The following SH2B3 variants were observed in gnomAD, a reference collection of about 807,000 sequenced individuals.
SH2B3 encodes the protein SH2B adaptor protein 3, also known as SH2B adapter protein 3.
Under a neutral mutation model 51.9 loss-of-function variants are expected in SH2B3, and 43 were observed. That is an observed-to-expected ratio of 0.83 (90% confidence interval 0.65 to 1.07). The LOEUF is 1.07. SH2B3 is among the 50% of genes least tolerant of loss of function. The probability of loss-of-function intolerance (pLI) is 0.00; values close to 1 mark genes in which losing one functional copy is unlikely to be tolerated. For missense variants in SH2B3, 952 were observed against 834.3 expected, an observed-to-expected ratio of 1.14 and a Z score of -1.74; for synonymous variants, 396 against 376.0, an observed-to-expected ratio of 1.05 and a Z score of -0.62.
chr12:111,435,498 C>T lies in SH2B3; in HGVS notation c.733-11255C>T, dbSNP rs755391338. 6.6e-6 allele frequency among the ~76,000 whole-genome samples: 1 copy of T among 152,198 alleles called. No individual in the cohort carries two copies. The highest frequency in any genetic ancestry group is 2.4e-5 in the African/African-American group (1 of 41,440). The stretch of plus-strand genomic sequence containing the variant: ...GCCTCAGCCTCCTGAGTAGCTGGGA[C>T]TACACATGCACCACCACGCCTGGCT... On this transcript the variant is annotated intron_variant, in intron 2 of 7. Coordinates refer to ENST00000341259, the MANE Select transcript of SH2B3 (RefSeq NM_005475.3). The surrounding 1 kb of genome is among the most constrained non-coding windows in gnomAD (Gnocchi z 4.8).
rs1412640417 is a variant in SH2B3 at position 111,410,580 on chromosome 12, G to A, written c.-28+4303G>A. 3.9e-5 allele frequency among the ~76,000 whole-genome samples: 6 copies of A among 152,164 alleles called. No homozygotes were observed. The highest frequency in any genetic ancestry group is 7.4e-5 in the Non-Finnish European group (5 of 68,010). ...GTGGCTGGGATGTCAGGCTGGCGGT[G>A]TGGGCAGAGGAAGCCAGAGGACATT... On this transcript the variant is annotated intron_variant, in intron 1 of 7. Transcript: ENST00000341259. The surrounding 1 kb of genome is among the most constrained non-coding windows in gnomAD (Gnocchi z 4.9).
At chr12:111,431,995 T>C (rs756210484) in intron 2 of SH2B3, among the ~76,000 whole-genome samples, 1 of 152,248 alleles carries the variant, frequency 6.6e-6, no homozygotes, top group Non-Finnish European at 1.5e-5. Context: ...TGCACAATTC[T>C]GTCTGGAGCC....
At chr12:111,413,994 G>A (rs1008966043) in intron 1 of SH2B3, among the ~76,000 whole-genome samples, 3 of 152,240 alleles carry the variant, frequency 2.0e-5, no homozygotes, top group Admixed American at 6.5e-5. Flanking sequence ...GCGGCAGATC[G>A]TGTAGGTGGG....
At chr12:111,434,494 T>C (rs1461571807) in intron 2 of SH2B3, among the ~76,000 whole-genome samples, 1 of 152,242 alleles carries the variant, frequency 6.6e-6, no homozygotes, top group Non-Finnish European at 1.5e-5. Flanking sequence ...GGCACGGATA[T>C]TAGCTCTGTC....
Position 111,410,776 on chromosome 12 carries a change from G to A in SH2B3, c.-28+4499G>A, listed in dbSNP as rs942828786. ...CCCTGCTTCCCGTGGGCATCTCTGCGTCTGGCAACTTGAATGCTGTGAAAG... is the reference window on the plus strand; with the variant it reads ...CCCTGCTTCCCGTGGGCATCTCTGCATCTGGCAACTTGAATGCTGTGAAAG... On this transcript the variant is annotated intron_variant, in intron 1 of 7. Coordinates refer to ENST00000341259, the MANE Select transcript of SH2B3 (RefSeq NM_005475.3). The surrounding 1 kb of genome is among the most constrained non-coding windows in gnomAD (Gnocchi z 4.9). Among the ~76,000 whole-genome samples the A allele has an allele frequency of 1.4e-4, 21 of 152,188 alleles. No homozygotes were observed. Among genetic ancestry groups the A allele is most frequent in the African/African-American group, 3.6e-4 (15 of 41,448 alleles).
At chr12:111,447,612 G>T (rs1305234764) in intron 6 of SH2B3, 44 bp from the exon 7 acceptor site, 1 of 1,610,142 alleles carries the variant, frequency 6.2e-7, no homozygotes, top group African/African-American at 1.3e-5. Context: ...GGAGTTCAGG[G>T]TCCTAGAGGG....
intron 2 of SH2B3, among the ~76,000 whole-genome samples, chr12:111,430,215 T>C (rs927524460): frequency 6.6e-6 from 1 of 152,196 alleles, no homozygotes; most frequent in African/African-American, 2.4e-5. Context: ...GCAGGGCTCC[T>C]GCGGCCCCAG....
intron 2 of SH2B3, among the ~76,000 whole-genome samples, chr12:111,437,117 G>C (rs1261990657): frequency 1.3e-5 from 2 of 152,150 alleles, no homozygotes; most frequent in African/African-American, 4.8e-5. Flanking sequence ...GGGTTGGGGT[G>C]GGCACCAAGC....
Position 111,429,523 on chromosome 12 carries a change from G to A in SH2B3, c.732+10646G>A, listed in dbSNP as rs1260133425. ...ATTTTTCTGTATTATTAGTAGAGAC[G>A]CGGTTTCGCCATGTTGGCCAGGCTG... On this transcript the variant is annotated intron_variant, in intron 2 of 7. Transcript: ENST00000341259. The surrounding 1 kb of genome is among the most constrained non-coding windows in gnomAD (Gnocchi z 4.4). 6.6e-6 allele frequency among the ~76,000 whole-genome samples: 1 copy of A among 152,124 alleles called. No homozygotes were observed. The highest frequency in any genetic ancestry group is 1.5e-5 in the Non-Finnish European group (1 of 68,032).
In SH2B3 at chr12:111,435,137, G is replaced by GTT. The variant is rs766758536; in HGVS notation, c.733-11614_733-11613dup. On this transcript the variant is annotated intron_variant, in intron 2 of 7. Transcript: ENST00000341259. This position sits in a 1 kb window ranked among gnomAD's most constrained non-coding sequence, Gnocchi z 4.8. ...AGACGGGCGACAGAGGTTTTTTGTT[G>GTT]TTTCTTAACCACATCTTTTTCCACC... The GTT allele has an allele frequency of 6.8e-6, 6 of 882,082 alleles. No homozygotes were observed. Among genetic ancestry groups the GTT allele is most frequent in the African/African-American group, 1.7e-5 (1 of 59,192 alleles). 54.6% of individuals were successfully genotyped at this position (882,082 alleles called of 1,614,324 possible).
intron 1 of SH2B3, among the ~76,000 whole-genome samples, chr12:111,412,361 G>GGAGCAGCCT (rs1026626381): frequency 1.3e-5 from 2 of 152,104 alleles, no homozygotes; most frequent in Non-Finnish European, 2.9e-5. Flanking sequence ...CTTCCTGCCC[G>GGAGCAGCCT]GAGCAGCCTG....
In SH2B3 at chr12:111,438,925, G is replaced by C. The variant is rs761171256; in HGVS notation, c.733-7828G>C. Among the ~76,000 whole-genome samples the C allele has an allele frequency of 5.3e-5, 8 of 152,202 alleles. No individual in the cohort carries two copies. Among genetic ancestry groups the C allele is most frequent in the Non-Finnish European group, 1.0e-4 (7 of 68,036 alleles). On this transcript the variant is annotated intron_variant, in intron 2 of 7. Coordinates refer to ENST00000341259, the MANE Select transcript of SH2B3 (RefSeq NM_005475.3). This position sits in a 1 kb window ranked among gnomAD's most constrained non-coding sequence, Gnocchi z 4.2. ...GAGGGAGGCCCAAGAGGCTGAGGAG[G>C]TAACAAGGGTCTCTCAGATGAGGAC...
At chr12:111,434,655 G>T (rs1872711394) in intron 2 of SH2B3, 1 of 405,334 alleles carries the variant, frequency 2.5e-6, no homozygotes, top group Non-Finnish European at 3.3e-6. Flanking sequence ...CCTTAGAAAG[G>T]CCTTTCCCCA....
Position 111,418,659 on chromosome 12 carries a change from A to AC in SH2B3, c.519dup (p.Ala174ArgfsTer94), listed in dbSNP as rs1691027318. 1.3e-6 allele frequency: 2 copies of AC among 1,482,500 alleles called. No individual in the cohort carries two copies. The highest frequency in any genetic ancestry group is 1.8e-6 in the Non-Finnish European group (2 of 1,126,000). The allele number at this position is 1,482,500 out of a possible 1,614,324, so 91.8% of individuals were successfully genotyped here. A position where few individuals can be genotyped will look rare whatever the true frequency, so the allele number is the denominator to read the frequency against. On this transcript the variant is annotated frameshift_variant, in exon 2 of 8. Coordinates refer to ENST00000341259, the MANE Select transcript of SH2B3 (RefSeq NM_005475.3). LOFTEE classifies it high-confidence loss of function. The surrounding 1 kb of genome is among the most constrained non-coding windows in gnomAD (Gnocchi z 6.7). ...CGGGACCCCCGGAGAGGCTGCTGAG[A>AC]CCCCCGCCCGGCCTGGCCTGGCCAA...
Position 111,409,039 on chromosome 12 carries a change from G to A in SH2B3, c.-28+2762G>A, listed in dbSNP as rs1220894177. Among the ~76,000 whole-genome samples, 1 of 152,200 alleles carries A rather than the reference G, an allele frequency of 6.6e-6. No individual in the cohort carries two copies. Among genetic ancestry groups the A allele is most frequent in the African/African-American group, 2.4e-5 (1 of 41,444 alleles). ...CAGTATGGACTTTGGGGCCAAATCT[G>A]GGCTCTGCCAGCTTCCAGGTGTGAG... On this transcript the variant is annotated intron_variant, in intron 1 of 7. Coordinates refer to ENST00000341259, the MANE Select transcript of SH2B3 (RefSeq NM_005475.3). The surrounding 1 kb of genome is among the most constrained non-coding windows in gnomAD (Gnocchi z 4.0).
At chr12:111,432,453 G>A (rs1267070492) in intron 2 of SH2B3, among the ~76,000 whole-genome samples, 1 of 152,190 alleles carries the variant, frequency 6.6e-6, no homozygotes, top group African/African-American at 2.4e-5. Context: ...GAAGGGGAGT[G>A]CTGGGTCAAG....
At position 111,409,466 on chromosome 12, in the gene SH2B3, C is replaced by T. The variant is rs1486772342; in HGVS notation, c.-28+3189C>T. ...TCTTTGACGAGGCAGGGCAGGAAGC[C>T]GCTGCCGTCTGGCAGACCGGAGACG... is the stretch of plus-strand genomic sequence containing the variant. On this transcript the variant is annotated intron_variant, in intron 1 of 7. Transcript: ENST00000341259. The surrounding 1 kb of genome is among the most constrained non-coding windows in gnomAD (Gnocchi z 4.0). Among the ~76,000 whole-genome samples the T allele has an allele frequency of 1.3e-5, 2 of 152,340 alleles. No individual in the cohort carries two copies. Among genetic ancestry groups the T allele is most frequent in the East Asian group, 3.9e-4 (2 of 5,180 alleles).
intron 2 of SH2B3, among the ~76,000 whole-genome samples, chr12:111,434,160 T>C (rs1423634490): frequency 6.6e-6 from 1 of 152,222 alleles, no homozygotes; most frequent in Non-Finnish European, 1.5e-5. Flanking sequence ...TGTTAAAAGT[T>C]GAGATATGAT....
chr12:111,443,664 AC>A (rs1229199690), intron 2 of SH2B3: 2 of 152,216 alleles, frequency 1.3e-5, no homozygotes, highest in African/African-American at 4.8e-5. Context: ...CTGGGGGTGT[AC>A]CCAGTGGCTA....
Sources: gnomAD v4.1 joint callset for allele counts (sites outside exome capture counted in the v4.1 genomes callset) on GRCh38, gnomAD v4.1.1 for gene constraint, Gnocchi (gnomAD v3.1) non-coding constraint, MANE v1.5 for transcripts, NCBI Gene and HGNC (gene_info 2026-07-23, HGNC 2026-07-21) for gene names.